Variants in PTP4A1 observed in about 807,000 individuals in gnomAD.
The protein encoded by PTP4A1 is protein tyrosine phosphatase type IVA 1.
PTP4A1 carries 9 observed loss-of-function variants against 20.5 expected under a neutral mutation model. That is an observed-to-expected ratio of 0.44 (90% CI 0.26 to 0.77). PTP4A1 has a LOEUF of 0.77. PTP4A1 is among the 30% of genes least tolerant of loss of function. PTP4A1 has a pLI of 0.19. For missense variants in PTP4A1, 137 were observed against 218.8 expected (o/e 0.63, Z 2.36); for synonymous variants, 78 against 67.4 (o/e 1.16, Z -0.77).
intron 2 of PTP4A1, among the ~76,000 whole-genome samples, chr6:63,542,024 T>G (rs1295773806): frequency 1.0e-4 from 3 of 28,988 alleles, no homozygotes; most frequent in Non-Finnish European, 3.3e-4. Context: ...GAAACTGTGG[T>G]GTGTGTGTGT....
Position 63,572,611 on chromosome 6 carries a change from C to T in PTP4A1, c.-554C>T. 4.8e-6 allele frequency: 2 copies of T among 419,418 alleles called. No individual in the cohort carries two copies. Among genetic ancestry groups the T allele is most frequent in the South Asian group, 1.1e-4 (1 of 9,448 alleles). The allele number at this position is 419,418 out of a possible 1,614,324, so 26.0% of individuals were successfully genotyped here. A position where few individuals can be genotyped will look rare whatever the true frequency, so the allele number is the denominator to read the frequency against. On this transcript the variant is annotated 5_prime_UTR_variant, in exon 1 of 6. It adds an upstream start codon to the 5' untranslated region. Transcript: ENST00000626021. ...CATCGCCGCCACCGCCGCTCCGCCA[C>T]GACCACCGCCGCCTCCTGCCCTGCA...
At chr6:63,533,936 T>C (rs1047910696) in intron 2 of PTP4A1, among the ~76,000 whole-genome samples, 1 of 149,932 alleles carries the variant, frequency 6.7e-6, no homozygotes, top group Non-Finnish European at 1.5e-5. Flanking sequence ...CTCTGCCTCC[T>C]GGGTTCAAGT....
intron 5 of PTP4A1, 79 bp from the exon 6 acceptor site, chr6:63,579,978 T>C: frequency 6.9e-6 from 7 of 1,014,622 alleles, no homozygotes; most frequent in Non-Finnish European, 1.0e-5. Context: ...ACAAGAGAGG[T>C]GATGGTTGTC....
At chr6:63,541,397 C>A (rs1037434076) in intron 2 of PTP4A1, among the ~76,000 whole-genome samples, 3 of 151,682 alleles carry the variant, frequency 2.0e-5, no homozygotes, top group Non-Finnish European at 4.4e-5. Context: ...ACTAAAAAAA[C>A]AAAAAAATAG....
chr6:63,534,161 T>C (rs1048995548), intron 2 of PTP4A1, among the ~76,000 whole-genome samples: 3 of 152,076 alleles, frequency 2.0e-5, no homozygotes, highest in African/African-American at 7.2e-5. Context: ...ATTTTTTTAA[T>C]GTGGAAACTG....
At chr6:63,556,681 C>T (rs1776701341) in intron 3 of PTP4A1, among the ~76,000 whole-genome samples, 1 of 152,204 alleles carries the variant, frequency 6.6e-6, no homozygotes. Context: ...TGAATCTGTA[C>T]TACATCAATA....
chr6:63,568,620 C>A (rs920605516), upstream of PTP4A1, among the ~76,000 whole-genome samples: 1 of 151,324 alleles, frequency 6.6e-6, no homozygotes, highest in Non-Finnish European at 1.5e-5. Flanking sequence ...CTCTGATAGA[C>A]TTGCTCGACA....
chr6:63,577,854 T>G (rs1383004174), intron 2 of PTP4A1, among the ~76,000 whole-genome samples: 2 of 149,492 alleles, frequency 1.3e-5, no homozygotes, highest in Non-Finnish European at 3.0e-5. Flanking sequence ...ATATATTATA[T>G]ATACACTAAT....
upstream of PTP4A1, chr6:63,572,161 C>A (rs552866121): frequency 6.5e-6 from 1 of 153,048 alleles, no homozygotes; most frequent in East Asian, 1.9e-4. Flanking sequence ...TTATGAGAAA[C>A]GTGGTTTGCA....
chr6:63,531,181 A>G (rs990687217), intron 2 of PTP4A1, among the ~76,000 whole-genome samples: 4 of 152,160 alleles, frequency 2.6e-5, no homozygotes, highest in African/African-American at 9.6e-5. Context: ...AACTGCAAGC[A>G]ATGAGGGCTA....
At chr6:63,529,165 A>G (rs1570317) in intron 2 of PTP4A1, among the ~76,000 whole-genome samples, 85 of 43,480 alleles carry the variant, frequency 2.0e-3, no homozygotes, top group African/African-American at 4.9e-3. Flanking sequence ...ATATGTGTGT[A>G]TATATATATA....
chr6:63,555,415 G>A (rs1776636503), intron 3 of PTP4A1, among the ~76,000 whole-genome samples: 3 of 152,168 alleles, frequency 2.0e-5, no homozygotes. Flanking sequence ...AATTGCTGAT[G>A]GCCAAAAAGT....
chr6:63,578,400 T>TA (rs1561915528), intron 2 of PTP4A1, 37 bp from the exon 3 acceptor site: 1 of 1,589,020 alleles, frequency 6.3e-7, no homozygotes, highest in Non-Finnish European at 8.5e-7. Context: ...GTGATGTGGT[T>TA]AAACATTAAG....
In PTP4A1 at chr6:63,572,641, CCGCCACCGCCTGTGT is replaced by C; in HGVS notation, c.-519_-505del. On this transcript the variant is annotated 5_prime_UTR_variant, in exon 1 of 6. Coordinates refer to ENST00000626021, the MANE Select transcript of PTP4A1 (RefSeq NM_003463.5). ...ACCGCCGCCTCCTGCCCTGCAGCCACCGCCACCGCCTGTGTCGCCGCCGCCTCGGGACCGGCTGTA... is the reference window on the plus strand; with the variant it reads ...ACCGCCGCCTCCTGCCCTGCAGCCACCGCCGCCGCCTCGGGACCGGCTGTA... 1 of 417,778 alleles carries C rather than the reference CCGCCACCGCCTGTGT, an allele frequency of 2.4e-6. No homozygotes were observed. The highest frequency in any genetic ancestry group is 4.4e-5 in the Admixed American group (1 of 22,872). The allele number at this position is 417,778 out of a possible 1,614,324, so 25.9% of individuals were successfully genotyped here.
At chr6:63,568,994 G>T (rs1210846633), upstream of PTP4A1, among the ~76,000 whole-genome samples, 1 of 151,868 alleles carries the variant, frequency 6.6e-6, no homozygotes, top group Non-Finnish European at 1.5e-5. Context: ...GGTTGATATT[G>T]TCACGTTTAA....
chr6:63,576,694 A>G lies in PTP4A1; in HGVS notation c.-187A>G. ...TTTCTGTTGGCCTCAGTATTACTGGATTGAAGAATTGCTGCTTCTTGTTAG... is the reference window on the plus strand; with the variant it reads ...TTTCTGTTGGCCTCAGTATTACTGGGTTGAAGAATTGCTGCTTCTTGTTAG... On this transcript the variant is annotated 5_prime_UTR_variant, in exon 2 of 6. Transcript: ENST00000626021. 1 of 607,184 alleles carries G rather than the reference A, an allele frequency of 1.6e-6. No homozygotes were observed. The highest frequency in any genetic ancestry group is 2.9e-6 in the Non-Finnish European group (1 of 346,352). 37.6% of individuals were successfully genotyped at this position (607,184 alleles called of 1,614,324 possible).
Position 63,578,987 on chromosome 6 carries a change from T to C in PTP4A1, c.288T>C (p.Pro96=), listed in dbSNP as rs372958657. ...SLVKIKFREE[P]GCCIAVHCVA... ...TGAAAATTAAGTTTCGTGAAGAACC[T>C]GGTTGTTGTATTGCTGTTCATTGCG... Residue 96 remains proline, a synonymous_variant, in exon 4 of 6, where the codon CCT becomes CCC. Coordinates refer to ENST00000626021, the MANE Select transcript of PTP4A1 (RefSeq NM_003463.5). 6.2e-7 allele frequency: 1 copy of C among 1,608,080 alleles called. No homozygotes were observed. The highest frequency in any genetic ancestry group is 8.5e-7 in the Non-Finnish European group (1 of 1,177,780).
At chr6:63,524,597 A>G (rs1562110745) in intron 1 of PTP4A1, among the ~76,000 whole-genome samples, 1 of 152,216 alleles carries the variant, frequency 6.6e-6, no homozygotes. Context: ...TTAAAAATGT[A>G]AAAATAAAAT....
intron 2 of PTP4A1, chr6:63,548,760 A>G (rs920158204): frequency 1.3e-5 from 9 of 702,520 alleles, no homozygotes; most frequent in Admixed American, 2.0e-5. Flanking sequence ...GAGCTTGCCA[A>G]TGCAAGCCAC....
Sources: allele counts gnomAD v4.1 joint callset (sites outside exome capture counted in the v4.1 genomes callset), GRCh38; gene constraint gnomAD v4.1.1; transcripts MANE v1.5; gene names NCBI Gene and HGNC (gene_info 2026-07-23, HGNC 2026-07-21).